Variants in HECTD4 observed in about 807,000 individuals in gnomAD.
HECTD4 encodes the protein HECT domain E3 ubiquitin protein ligase 4, also known as probable E3 ubiquitin-protein ligase HECTD4.
A neutral mutation model predicts 471.5 loss-of-function variants in HECTD4; 114 were observed. The ratio of observed to expected loss-of-function variants is 0.24; its 90% CI spans 0.21 to 0.28. HECTD4 has a LOEUF of 0.28. HECTD4 is among the 10% of genes least tolerant of loss of function. The pLI is 1.00. For synonymous variants in HECTD4, 2,012 were observed against 2,256.0 expected, an observed-to-expected ratio of 0.89 and a Z score of 3.07; for missense variants, 3,866 against 5,651.5, an observed-to-expected ratio of 0.68 and a Z score of 10.13.
In HECTD4 at chr12:112,243,773, A is replaced by G; in HGVS notation, c.4650-12T>C. ...TCACGTGGCGACGCCTACGGGGAAC[A>G]CAGAACAGACTGGCAAGACGAGAAA... On this transcript the variant is annotated splice_polypyrimidine_tract_variant and intron_variant, in intron 30 of 75. Coordinates refer to ENST00000682272, the MANE Select transcript of HECTD4 (RefSeq NM_001388303.1). The surrounding 1 kb of genome is among the most constrained non-coding windows in gnomAD (Gnocchi z 6.6). The G allele has an allele frequency of 6.2e-7, 1 of 1,612,096 alleles. No individual in the cohort carries two copies. Among genetic ancestry groups the G allele is most frequent in the Non-Finnish European group, 8.5e-7 (1 of 1,178,484 alleles).
chr12:112,227,524 T>C (rs144003129), intron 43 of HECTD4, among the ~76,000 whole-genome samples: 51 of 152,318 alleles, frequency 3.3e-4, no homozygotes, highest in African/African-American at 1.2e-3. Context: ...GCTAAATAAA[T>C]GTATTTGCAG....
At position 112,175,822 on chromosome 12, in the gene HECTD4, G is replaced by C; in HGVS notation, c.11508C>G (p.His3836Gln). 1 of 1,613,652 alleles carries C rather than the reference G, an allele frequency of 6.2e-7. No homozygotes were observed. Among genetic ancestry groups the C allele is most frequent in the South Asian group, 1.1e-5 (1 of 90,952 alleles). The change falls in exon 66 of 76, where the codon CAC (histidine) becomes CAG (glutamine). Residue 3836 changes from histidine to glutamine, a missense_variant. Coordinates refer to ENST00000682272, the MANE Select transcript of HECTD4 (RefSeq NM_001388303.1). ...EEKYLTLEGF[H>Q]KFVIDRARQD... ...GCCTGGCTCGGTCAATAACAAATTT[G>C]TGAAATCCTTCCAGCGTCAGGTATT...
chr12:112,191,038 G>C (rs2032061551), intron 59 of HECTD4, 73 bp from the exon 60 acceptor site: 1 of 1,293,408 alleles, frequency 7.7e-7, no homozygotes, highest in Non-Finnish European at 1.1e-6. Flanking sequence ...AAAAGGTCCT[G>C]CCAGGTGTGC....
intron 1 of HECTD4, among the ~76,000 whole-genome samples, chr12:112,378,364 G>A (rs891060362): frequency 6.6e-5 from 10 of 150,508 alleles, no homozygotes; most frequent in African/African-American, 2.2e-4. Flanking sequence ...GACTACAAGC[G>A]CCCGCCACCA....
At chr12:112,238,478 TGAACGCCAAGGCGCGA>T (rs1245531464) in intron 34 of HECTD4, among the ~76,000 whole-genome samples, 3 of 152,218 alleles carry the variant, frequency 2.0e-5, no homozygotes, top group Non-Finnish European at 4.4e-5. Flanking sequence ...TTTGTTTTTT[TGAACGCCAAGGCGCGA>T]GGACTGCTTG....
intron 1 of HECTD4, among the ~76,000 whole-genome samples, chr12:112,368,933 C>G (rs1566127042): frequency 6.6e-6 from 1 of 152,192 alleles, no homozygotes; most frequent in African/African-American, 2.4e-5. Context: ...TTCAGGGGCT[C>G]TAAGTCCAAA....
chr12:112,293,607 G>A (rs1348845946), intron 7 of HECTD4, among the ~76,000 whole-genome samples: 1 of 152,072 alleles, frequency 6.6e-6, no homozygotes, highest in Non-Finnish European at 1.5e-5. Flanking sequence ...ATAGAGCAAG[G>A]TACAGAAGAA....
Position 112,263,707 on chromosome 12 carries a change from T to TATATATATA in HECTD4, c.2748+376_2748+377insTATATATAT, listed in dbSNP as rs1566091576. ...AAATTATTTAATGCTCCCAAGATTTTTATATATATATATATATACACACAC... is the reference window on the plus strand; with the variant it reads ...AAATTATTTAATGCTCCCAAGATTTTATATATATATATATATATATATATATACACACAC... On this transcript the variant is annotated intron_variant, in intron 17 of 75. Transcript: ENST00000682272. 2.1e-3 allele frequency among the ~76,000 whole-genome samples: 292 copies of TATATATATA among 137,746 alleles called. 5 individuals are homozygous for TATATATATA. In the East Asian group the frequency reaches 0.041, roughly 19 times the overall value. 90.4% of individuals were successfully genotyped at this position (137,746 alleles called of 152,430 possible).
chr12:112,217,353 AC>A (rs2032952319), intron 45 of HECTD4, among the ~76,000 whole-genome samples, 158 bp from the exon 46 acceptor site: 1 of 151,776 alleles, frequency 6.6e-6, no homozygotes, highest in African/African-American at 2.4e-5. Context: ...ACACACACAC[AC>A]ACAATTTATT....
chr12:112,162,818 G>A lies in HECTD4; in HGVS notation c.13120+224C>T, dbSNP rs2030744931. ...TCTGCATTTAAAAGTTAGAAGATTT[G>A]AAGCATTCTGGATTTTCAGCTTCTT... is the stretch of plus-strand genomic sequence containing the variant. On this transcript the variant is annotated intron_variant, in intron 75 of 75. Coordinates refer to ENST00000682272, the MANE Select transcript of HECTD4 (RefSeq NM_001388303.1). This position sits in a 1 kb window ranked among gnomAD's most constrained non-coding sequence, Gnocchi z 5.2. 1 of 526,852 alleles carries A rather than the reference G, an allele frequency of 1.9e-6. No individual in the cohort carries two copies. The highest frequency in any genetic ancestry group is 3.3e-6 in the Non-Finnish European group (1 of 299,784). The allele number at this position is 526,852 out of a possible 1,614,324, so 32.6% of individuals were successfully genotyped here.
At chr12:112,164,687 C>T (rs2030858156) in intron 72 of HECTD4, among the ~76,000 whole-genome samples, 1 of 151,420 alleles carries the variant, frequency 6.6e-6, no homozygotes. Flanking sequence ...ATGGCGCAAT[C>T]TTGGCTCGCT....
intron 37 of HECTD4, among the ~76,000 whole-genome samples, chr12:112,234,670 C>A (rs948807947): frequency 7.2e-5 from 11 of 152,238 alleles, no homozygotes; most frequent in African/African-American, 2.2e-4. Context: ...GTTTCTCCAA[C>A]TCACAGTCAA....
intron 55 of HECTD4, among the ~76,000 whole-genome samples, chr12:112,198,090 C>T (rs1234868649): frequency 1.3e-5 from 2 of 152,232 alleles, no homozygotes. Context: ...CCACCTCGGC[C>T]TCCCAAAGTG....
At position 112,213,975 on chromosome 12, in the gene HECTD4, T is replaced by C. The variant is rs1386743398; in HGVS notation, c.7466-1325A>G. On this transcript the variant is annotated intron_variant, in intron 48 of 75. Transcript: ENST00000682272. The surrounding 1 kb of genome is among the most constrained non-coding windows in gnomAD (Gnocchi z 4.0). Reference sequence around the variant, plus strand: ...GGGTCAAGCCTGCAGTGAGCTGTGATTGCACCACTGCACTCTAGCCTGGGT... The same window carrying C: ...GGGTCAAGCCTGCAGTGAGCTGTGACTGCACCACTGCACTCTAGCCTGGGT... Among the ~76,000 whole-genome samples, 3 of 151,776 alleles carry C rather than the reference T, an allele frequency of 2.0e-5. No individual in the cohort carries two copies. Among genetic ancestry groups the C allele is most frequent in the African/African-American group, 7.3e-5 (3 of 41,304 alleles).
rs1444053481 is a variant in HECTD4 at position 112,188,049 on chromosome 12, G to A, written c.9473-2556C>T. Among the ~76,000 whole-genome samples, 1 of 152,154 alleles carries A rather than the reference G, an allele frequency of 6.6e-6. No individual in the cohort carries two copies. The highest frequency in any genetic ancestry group is 1.5e-5 in the Non-Finnish European group (1 of 68,036). On this transcript the variant is annotated intron_variant, in intron 60 of 75. Transcript: ENST00000682272. This position sits in a 1 kb window ranked among gnomAD's most constrained non-coding sequence, Gnocchi z 4.2. Reference sequence around the variant, plus strand: ...TGCCTGTAATCCCAGTACTATGGGAGGCCAAGGCAGGTGGGTCACCTGAGG... The same window carrying A: ...TGCCTGTAATCCCAGTACTATGGGAAGCCAAGGCAGGTGGGTCACCTGAGG...
chr12:112,381,243 G>A lies in HECTD4; in HGVS notation c.177+709C>T, dbSNP rs1361563489. ...CTGCTGTTGCACCTGCCACGGCTCT[G>A]AACCCGGGATGCTTGGCGACCCCCG... is the stretch of plus-strand genomic sequence containing the variant. On this transcript the variant is annotated intron_variant, in intron 1 of 75. Transcript: ENST00000682272. The surrounding 1 kb of genome is among the most constrained non-coding windows in gnomAD (Gnocchi z 4.1). Among the ~76,000 whole-genome samples, 1 of 152,176 alleles carries A rather than the reference G, an allele frequency of 6.6e-6. No individual in the cohort carries two copies. Among genetic ancestry groups the A allele is most frequent in the African/African-American group, 2.4e-5 (1 of 41,434 alleles).
chr12:112,227,361 G>A (rs544733745), intron 43 of HECTD4, among the ~76,000 whole-genome samples: 5 of 152,086 alleles, frequency 3.3e-5, no homozygotes, highest in Non-Finnish European at 1.5e-5. Context: ...TCAGGAGGCT[G>A]AGGCAGGAGA....
intron 54 of HECTD4, chr12:112,203,404 G>A (rs917771509): frequency 1.4e-5 from 6 of 414,422 alleles, no homozygotes; most frequent in African/African-American, 4.1e-5. Context: ...GTCTGAAGGC[G>A]GCCACAGCTT....
Position 112,319,708 on chromosome 12 carries a change from A to T in HECTD4, c.212T>A (p.Leu71Ter). Reference protein sequence around the residue: ...LTFETKNPSELAERLRSVCGN... With the variant: ...LTFETKNPSE Reference sequence around the variant, plus strand: ...ACAAACAGAGCGCAAACGTTCTGCTAATTCCGACGGGTTCTTGGTCTCAAA... The same window carrying T: ...ACAAACAGAGCGCAAACGTTCTGCTTATTCCGACGGGTTCTTGGTCTCAAA... Residue 71 changes from leucine (L) to a stop codon, truncating the protein, a stop_gained, in exon 2 of 76, where the codon TTA becomes TAA. Coordinates refer to ENST00000682272, the MANE Select transcript of HECTD4 (RefSeq NM_001388303.1). LOFTEE classifies it high-confidence loss of function. The surrounding 1 kb of genome is among the most constrained non-coding windows in gnomAD (Gnocchi z 5.3). 1 of 1,254,274 alleles carries T rather than the reference A, an allele frequency of 8.0e-7. No homozygotes were observed. The allele number at this position is 1,254,274 out of a possible 1,614,324, so 77.7% of individuals were successfully genotyped here. A position where few individuals can be genotyped will look rare whatever the true frequency, so the allele number is the denominator to read the frequency against.
Sources: allele counts gnomAD v4.1 joint callset (sites outside exome capture counted in the v4.1 genomes callset), GRCh38; gene constraint gnomAD v4.1.1; non-coding constraint Gnocchi (gnomAD v3.1); transcripts MANE v1.5; gene names NCBI Gene and HGNC (gene_info 2026-07-23, HGNC 2026-07-21).